The following MICU3 variants were observed in gnomAD, a reference collection of about 807,000 sequenced individuals.
The protein encoded by MICU3 is mitochondrial calcium uptake 3.
Under a neutral mutation model 66.5 loss-of-function variants are expected in MICU3, and 62 were observed. That is an observed-to-expected ratio of 0.93 (90% CI 0.76 to 1.15). The LOEUF (loss-of-function observed/expected upper bound fraction) is 1.15, where lower values mean the gene tolerates loss of function less well. MICU3 is among the 50% of genes most tolerant of loss of function. The pLI is 0.00. For synonymous variants in MICU3, 308 were observed against 240.7 expected, an observed-to-expected ratio of 1.28 and a Z score of -2.59; for missense variants, 779 against 664.4, an observed-to-expected ratio of 1.17 and a Z score of -1.90.
At chr8:17,114,281 A>G in intron 12 of MICU3, 80 bp downstream of exon 12, 1 of 826,338 alleles carries the variant, frequency 1.2e-6, no homozygotes, top group Non-Finnish European at 2.0e-6. Context: ...AATTAATTAA[A>G]TATGACATAT....
At chr8:17,098,639 C>G in intron 9 of MICU3, 86 bp downstream of exon 9, 2 of 867,784 alleles carry the variant, frequency 2.3e-6, no homozygotes, top group South Asian at 2.8e-5. Context: ...AGTGATGAAA[C>G]CCAACATGTA....
At chr8:17,030,855 G>C (rs997203224) in intron 1 of MICU3, among the ~76,000 whole-genome samples, 3 of 152,118 alleles carry the variant, frequency 2.0e-5, no homozygotes, top group African/African-American at 7.2e-5. Flanking sequence ...AACTCAGGTA[G>C]TGCCTCTGTT....
intron 1 of MICU3, among the ~76,000 whole-genome samples, chr8:17,047,884 G>T (rs939701438): frequency 6.6e-6 from 1 of 152,122 alleles, no homozygotes; most frequent in Non-Finnish European, 1.5e-5. Context: ...GGAGAACAAA[G>T]AAATTAGTAA....
intron 8 of MICU3, among the ~76,000 whole-genome samples, chr8:17,096,955 TTG>T (rs3988378): frequency 0.32 from 45,509 of 141,208 alleles, 7,218 homozygotes; most frequent in Non-Finnish European, 0.38. Context: ...CTAAATATAT[TTG>T]TGTGTGTGTG....
chr8:17,039,390 G>C (rs1050607790), intron 1 of MICU3, among the ~76,000 whole-genome samples: 1 of 152,172 alleles, frequency 6.6e-6, no homozygotes, highest in Non-Finnish European at 1.5e-5. Flanking sequence ...TGAAATTGAA[G>C]ATAAGCTAAT....
At chr8:17,061,680 A>AC (rs1817844693) in intron 1 of MICU3, among the ~76,000 whole-genome samples, 1 of 152,152 alleles carries the variant, frequency 6.6e-6, no homozygotes, top group Non-Finnish European at 1.5e-5. Context: ...GATTGATGTC[A>AC]CCTAGGCCCA....
At chr8:17,029,522 G>C (rs1563257037) in intron 1 of MICU3, among the ~76,000 whole-genome samples, 1 of 152,036 alleles carries the variant, frequency 6.6e-6, no homozygotes, top group Non-Finnish European at 1.5e-5. Flanking sequence ...TTGTACTTTT[G>C]TGCAGTTATT....
intron 10 of MICU3, 95 bp from the exon 11 acceptor site, chr8:17,105,318 A>G (rs919705718): frequency 2.9e-6 from 2 of 688,820 alleles, no homozygotes; most frequent in Non-Finnish European, 4.8e-6. Context: ...AATTATTTCC[A>G]TATAACCTTT....
intron 11 of MICU3, among the ~76,000 whole-genome samples, chr8:17,113,555 C>T (rs1336304007): frequency 6.6e-6 from 1 of 152,174 alleles, no homozygotes; most frequent in Non-Finnish European, 1.5e-5. Flanking sequence ...CCTGCCACTG[C>T]CCTGGCAGTG....
chr8:17,038,041 G>A (rs1813348372), intron 1 of MICU3, among the ~76,000 whole-genome samples: 1 of 152,170 alleles, frequency 6.6e-6, no homozygotes, highest in Admixed American at 6.5e-5. Flanking sequence ...TGATTTTATA[G>A]GCTCATAGGC....
At chr8:17,062,944 T>C (rs890997823) in intron 1 of MICU3, among the ~76,000 whole-genome samples, 6 of 151,952 alleles carry the variant, frequency 3.9e-5, no homozygotes, top group African/African-American at 1.5e-4. Flanking sequence ...TCAAGGTTGG[T>C]CATTATACCA....
rs116830121 is a variant in MICU3, at chr8:17,041,329, C to T, written c.381+13669C>T. On this transcript the variant is annotated intron_variant, in intron 1 of 14. Transcript: ENST00000318063. ...TCAAAAAAAGGTAATACTATATTTT[C>T]GGAAAGGAAGCAGTCAGTTATACTG... Among the ~76,000 whole-genome samples the T allele has an allele frequency of 7.7e-3, 1,155 of 150,372 alleles. 14 individuals carry two copies. The highest frequency in any genetic ancestry group is 0.026 in the African/African-American group (1,082 of 41,046).
chr8:17,109,932 C>G (rs1802050971), intron 11 of MICU3, among the ~76,000 whole-genome samples: 1 of 152,088 alleles, frequency 6.6e-6, no homozygotes, highest in African/African-American at 2.4e-5. Context: ...AAGTGGCTTA[C>G]CTTAGGTCAT....
intron 1 of MICU3, among the ~76,000 whole-genome samples, chr8:17,034,535 C>T (rs1410666343): frequency 6.6e-6 from 1 of 152,168 alleles, no homozygotes; most frequent in Non-Finnish European, 1.5e-5. Context: ...AAAGGATTTA[C>T]CATTCTAGAT....
chr8:17,070,866 A>G (rs1466317923), intron 3 of MICU3, among the ~76,000 whole-genome samples: 1 of 152,048 alleles, frequency 6.6e-6, no homozygotes, highest in African/African-American at 2.4e-5. Context: ...TATATGTACT[A>G]TGTTTTTTCA....
chr8:17,136,727 C>T, the MICU3 span, among the ~76,000 whole-genome samples: 3 of 152,174 alleles, frequency 2.0e-5, no homozygotes, highest in East Asian at 5.8e-4. Flanking sequence ...GCATACGTGA[C>T]CCAGAAAGTC....
intron 3 of MICU3, among the ~76,000 whole-genome samples, chr8:17,073,682 G>A (rs1819944565): frequency 6.6e-6 from 1 of 152,126 alleles, no homozygotes; most frequent in Non-Finnish European, 1.5e-5. Context: ...TGCCAAAAAG[G>A]TTGGGGACTG....
chr8:17,123,977 C>T (rs1206176298), downstream of MICU3, among the ~76,000 whole-genome samples: 1 of 147,770 alleles, frequency 6.8e-6, no homozygotes, highest in African/African-American at 2.5e-5. Context: ...CACCATCCCT[C>T]TGTTGTGCTT....
At chr8:17,104,579 AC>A (rs1801567460) in intron 10 of MICU3, 88 bp downstream of exon 10, 1 of 565,320 alleles carries the variant, frequency 1.8e-6, no homozygotes, top group African/African-American at 1.9e-5. Context: ...AGCAATACTC[AC>A]CTCTTTGTTA....
Sources: gnomAD v4.1 joint callset for allele counts (sites outside exome capture counted in the v4.1 genomes callset) on GRCh38, gnomAD v4.1.1 for gene constraint, MANE v1.5 for transcripts, NCBI Gene and HGNC (gene_info 2026-07-23, HGNC 2026-07-21) for gene names.